The following GON4L variants were observed in gnomAD, a reference collection of about 807,000 sequenced individuals.
The protein encoded by GON4L is gon-4 like.
A neutral mutation model predicts 211.8 loss-of-function variants in GON4L; 87 were observed. The ratio of observed to expected loss-of-function variants is 0.41; its 90% CI spans 0.35 to 0.49. The LOEUF (loss-of-function observed/expected upper bound fraction) is 0.49, where lower values mean the gene tolerates loss of function less well. GON4L is among the 20% of genes least tolerant of loss of function. The pLI, the probability that GON4L is intolerant of heterozygous loss-of-function variation, is 0.15. For synonymous variants in GON4L, 875 were observed against 962.6 expected, an observed-to-expected ratio of 0.91 and a Z score of 1.68; for missense variants, 2,155 against 2,659.5, an observed-to-expected ratio of 0.81 and a Z score of 4.17.
At chr1:155,777,266 CAG>C (rs1309485779) in intron 15 of GON4L, among the ~76,000 whole-genome samples, 25 of 152,276 alleles carry the variant, frequency 1.6e-4, no homozygotes, top group African/African-American at 6.0e-4. Flanking sequence ...TTTCTGGCCT[CAG>C]AGTTAGGCCT....
chr1:155,845,437 T>C (rs577050659), intron 2 of GON4L: 95 of 344,532 alleles, frequency 2.8e-4, no homozygotes, highest in African/African-American at 1.9e-3. Context: ...ATGTGGTGGA[T>C]CATTTCAACA....
At chr1:155,777,152 A>G (rs1557851389) in intron 15 of GON4L, among the ~76,000 whole-genome samples, 1 of 152,240 alleles carries the variant, frequency 6.6e-6, no homozygotes, top group Non-Finnish European at 1.5e-5. Context: ...TCCTTGAGCC[A>G]TAAGGCATGA....
At position 155,784,016 on chromosome 1, in the gene GON4L, C is replaced by A; in HGVS notation, c.1862G>T (p.Arg621Leu). ...AGCTTGAGGGGTGTTAAAGTTAGGA[C>A]GAGGCTCAGCTACACACTCCTCCTC... ...PEEEECVAEP[R>L]PNFNTPQALR... The change falls in exon 14 of 32, where the codon CGT becomes CTT. Residue 621 changes from arginine (R) to leucine (L), a missense_variant. Arg to Leu is a moderately radical substitution (Grantham distance 102). Transcript: ENST00000368331. The A allele has an allele frequency of 1.2e-6, 2 of 1,613,950 alleles. No homozygotes were observed. The highest frequency in any genetic ancestry group is 1.7e-6 in the Non-Finnish European group (2 of 1,179,890).
Position 155,768,972 on chromosome 1 carries a change from T to G in GON4L, c.2647-1431A>C, listed in dbSNP as rs1221876536. On this transcript the variant is annotated intron_variant, in intron 19 of 31. Coordinates refer to ENST00000368331, the MANE Select transcript of GON4L (RefSeq NM_001282860.2). ...CTGTGCACATCTTTGTACTTTTTGT[T>G]TGTTTCTCTGCTTCTTGATCTTTGA... 2.0e-5 allele frequency among the ~76,000 whole-genome samples: 3 copies of G among 152,240 alleles called. No homozygotes were observed. The East Asian group carries it at 5.8e-4, about 29-fold the overall frequency.
At chr1:155,764,468 C>G (rs1191785936) in intron 21 of GON4L, 6 of 194,696 alleles carry the variant, frequency 3.1e-5, no homozygotes, top group African/African-American at 5.6e-5. Flanking sequence ...GAGACAGAGC[C>G]TTGCTCTGTT....
intron 10 of GON4L, among the ~76,000 whole-genome samples, chr1:155,809,411 TA>T (rs922281029): frequency 6.6e-6 from 1 of 151,588 alleles, no homozygotes; most frequent in Admixed American, 6.6e-5. Flanking sequence ...ATGTGTTTGG[TA>T]AATAAATGAT....
chr1:155,815,396 T>C (rs951098479), intron 8 of GON4L, among the ~76,000 whole-genome samples: 5 of 152,068 alleles, frequency 3.3e-5, no homozygotes, highest in African/African-American at 1.2e-4. Flanking sequence ...CTACAGTGTG[T>C]AGAGATACAT....
intron 19 of GON4L, among the ~76,000 whole-genome samples, chr1:155,768,163 C>T (rs1662745756): frequency 6.6e-6 from 1 of 151,988 alleles, no homozygotes; most frequent in African/African-American, 2.4e-5. Flanking sequence ...ATTAGCCAGG[C>T]ATGGTGGCAC....
intron 1 of GON4L, among the ~76,000 whole-genome samples, chr1:155,854,038 C>T (rs1254449562): frequency 1.3e-5 from 2 of 152,168 alleles, no homozygotes; most frequent in Non-Finnish European, 2.9e-5. Context: ...GATTTAACCT[C>T]GCAAGTCTTC....
chr1:155,765,387 G>C lies in GON4L; in HGVS notation c.4086C>G (p.Ser1362Arg), dbSNP rs199559009. The C allele has an allele frequency of 1.2e-5, 20 of 1,613,972 alleles. No homozygotes were observed. Among genetic ancestry groups the C allele is most frequent in the Non-Finnish European group, 1.6e-5 (19 of 1,180,002 alleles). ...CTTCTCCAGCACTGCTCAACTCCTC[G>C]CTTGGGGCACCAGTGTCCAATTCCA... ...HAVELDTGAP[S>R]EELSSAGEVT... is the part of the protein sequence containing the mutation. The change falls in exon 21 of 32, where the codon AGC becomes AGG. Residue 1362 changes from serine (S) to arginine (R), a missense_variant. By Grantham distance (110) the Ser-to-Arg change is moderately radical. Transcript: ENST00000368331.
intron 17 of GON4L, among the ~76,000 whole-genome samples, chr1:155,773,692 G>A (rs1037946299): frequency 6.6e-6 from 1 of 152,038 alleles, no homozygotes; most frequent in Non-Finnish European, 1.5e-5. Context: ...TCCTGAGGCT[G>A]GGAACAAAAG....
At chr1:155,770,111 C>T (rs1291871378) in intron 19 of GON4L, among the ~76,000 whole-genome samples, 1 of 145,986 alleles carries the variant, frequency 6.8e-6, no homozygotes, top group Non-Finnish European at 1.5e-5. Context: ...CCTTGGGAGG[C>T]TGAGGTGGGA....
rs1198190136 is a variant in GON4L, at chr1:155,849,161, A to G, written c.505+4115T>C. On this transcript the variant is annotated intron_variant, in intron 2 of 31. Coordinates refer to ENST00000368331, the MANE Select transcript of GON4L (RefSeq NM_001282860.2). ...TCCATCTCAAAAAAAAAAAAAAAAA[A>G]AAAAAAAAAAGGGGCTGGGCACTGT... Among the ~76,000 whole-genome samples, 4 of 40,796 alleles carry G rather than the reference A, an allele frequency of 9.8e-5. No individual in the cohort carries two copies. In the East Asian group the frequency reaches 3.3e-3, roughly 34 times the overall value. 26.8% of individuals were successfully genotyped at this position (40,796 alleles called of 152,430 possible). A position where few individuals can be genotyped will look rare whatever the true frequency, so the allele number is the denominator to read the frequency against.
rs536364867 is a variant in GON4L at position 155,802,950 on chromosome 1, T to A, written c.1645+1999A>T. Among the ~76,000 whole-genome samples, 5 of 152,300 alleles carry A rather than the reference T, an allele frequency of 3.3e-5. No homozygotes were observed. The South Asian group carries it at 1.0e-3, about 32-fold the overall frequency. ...CAGCCTGGGTGACAGAGTGAGACCC[T>A]GTCTCACACACACACAAAAAAGTAC... On this transcript the variant is annotated intron_variant, in intron 11 of 31. Coordinates refer to ENST00000368331, the MANE Select transcript of GON4L (RefSeq NM_001282860.2).
At chr1:155,772,250 C>T (rs1282958761) in intron 18 of GON4L, among the ~76,000 whole-genome samples, 1 of 151,678 alleles carries the variant, frequency 6.6e-6, no homozygotes. Context: ...TGTATCATGA[C>T]GAGCTGTATA....
At chr1:155,799,986 A>C (rs1666473394) in intron 11 of GON4L, among the ~76,000 whole-genome samples, 3 of 152,102 alleles carry the variant, frequency 2.0e-5, no homozygotes, top group Admixed American at 2.0e-4. Flanking sequence ...GGATCACCTG[A>C]GGTTGGAAGT....
intron 2 of GON4L, among the ~76,000 whole-genome samples, chr1:155,838,682 A>T (rs1470053296): frequency 6.6e-6 from 1 of 151,888 alleles, no homozygotes; most frequent in Non-Finnish European, 1.5e-5. Context: ...AGGCCCAAGA[A>T]GCTCTTGAAT....
chr1:155,829,176 G>A (rs1669508783), intron 2 of GON4L, among the ~76,000 whole-genome samples: 2 of 152,142 alleles, frequency 1.3e-5, no homozygotes, highest in Non-Finnish European at 2.9e-5. Flanking sequence ...TATTCTAATA[G>A]AATTTTACTT....
At chr1:155,814,119 T>C (rs955072558) in intron 9 of GON4L, among the ~76,000 whole-genome samples, 24 of 152,224 alleles carry the variant, frequency 1.6e-4, no homozygotes, top group African/African-American at 5.5e-4. Context: ...GAAACTCTGC[T>C]AGTTGCACAT....
Sources: allele counts gnomAD v4.1 joint callset (sites outside exome capture counted in the v4.1 genomes callset), GRCh38; gene constraint gnomAD v4.1.1; transcripts MANE v1.5; gene names NCBI Gene and HGNC (gene_info 2026-07-23, HGNC 2026-07-21).